SLC9A3: variants seen among roughly 807,000 people sequenced by gnomAD.
The protein encoded by SLC9A3 is sodium/hydrogen exchanger 3.
In SLC9A3, 37 loss-of-function variants were observed where a neutral mutation model predicts 86.8. That is an observed-to-expected ratio of 0.43 (90% CI 0.33 to 0.56). The LOEUF (loss-of-function observed/expected upper bound fraction) is 0.56, where lower values mean the gene tolerates loss of function less well. Among genes scored for constraint, SLC9A3 ranks in the 20% least tolerant of loss-of-function variants. The pLI is 0.06. For synonymous variants in SLC9A3, 581 were observed against 528.3 expected (o/e 1.10, Z -1.37); for missense variants, 1,011 against 1,171.9 (o/e 0.86, Z 2.00).
chr5:498,454 G>A (rs982362123), intron 1 of SLC9A3, among the ~76,000 whole-genome samples: 3 of 152,214 alleles, frequency 2.0e-5, no homozygotes, highest in African/African-American at 7.2e-5. Context: ...CTGGACTGGA[G>A]TGCAGCGGCA....
intron 10 of SLC9A3, chr5:479,564 G>A: frequency 2.3e-6 from 1 of 432,442 alleles, no homozygotes; most frequent in Non-Finnish European, 4.3e-6. Flanking sequence ...CCATCCCTGG[G>A]GAAAGCAAGG....
intron 10 of SLC9A3, 82 bp downstream of exon 10, chr5:479,754 T>C (rs1739035464): frequency 3.5e-5 from 48 of 1,369,180 alleles, no homozygotes; most frequent in Non-Finnish European, 4.6e-5. Context: ...TGCAGGGGCC[T>C]CTCCTCACTG....
chr5:517,920 CCATT>C (rs1252001348), intron 1 of SLC9A3, among the ~76,000 whole-genome samples: 2 of 152,146 alleles, frequency 1.3e-5, no homozygotes, highest in African/African-American at 4.8e-5. Flanking sequence ...ATCCATCCAT[CCATT>C]CACTCCATTC....
At chr5:509,453 AGGAAGGAGGGAGGGAG>A (rs1026846276) in intron 1 of SLC9A3, among the ~76,000 whole-genome samples, 15 of 128,968 alleles carry the variant, frequency 1.2e-4, no homozygotes, top group Middle Eastern at 4.0e-3. Flanking sequence ...GATGGAAGGA[AGGAAGGAGGGAGGGAG>A]GGAAGGAGGG....
At position 476,355 on chromosome 5, in the gene SLC9A3, G is replaced by A. The variant is rs764331870; in HGVS notation, c.1914C>T (p.His638=). 12 of 1,613,842 alleles carry A rather than the reference G, an allele frequency of 7.4e-6. No individual in the cohort carries two copies. The highest frequency in any genetic ancestry group is 2.2e-5 in the South Asian group (2 of 91,086). Reference sequence around the variant, plus strand: ...TCTCGTCCTCCGTGGGCGTGAGCTCGTGTCGGCTGTACAGATGCTTGTACT... The same window carrying A: ...TCTCGTCCTCCGTGGGCGTGAGCTCATGTCGGCTGTACAGATGCTTGTACT... ...RQEYKHLYSR[H]ELTPTEDEKQ... The change falls in exon 13 of 17, where the codon CAC becomes CAT. Residue 638 remains histidine (H), a synonymous_variant. Coordinates refer to ENST00000264938, the MANE Select transcript of SLC9A3 (RefSeq NM_004174.4).
intron 9 of SLC9A3, chr5:480,895 CTTTT>C (rs890189261): frequency 1.3e-5 from 2 of 152,162 alleles, no homozygotes; most frequent in African/African-American, 4.8e-5. Context: ...TGGACAAACT[CTTTT>C]TTTTATTTTG....
intron 1 of SLC9A3, among the ~76,000 whole-genome samples, chr5:517,820 TCCA>T: frequency 1.2e-5 from 1 of 82,152 alleles, no homozygotes; most frequent in African/African-American, 5.3e-5. Flanking sequence ...AAACCATCCA[TCCA>T]TCCATCCATC....
intron 1 of SLC9A3, among the ~76,000 whole-genome samples, chr5:508,761 C>CTT (rs1740737555): frequency 1.3e-5 from 2 of 152,198 alleles, no homozygotes; most frequent in Non-Finnish European, 2.9e-5. Flanking sequence ...TCCCGGGAGT[C>CTT]ACACATGAGA....
At chr5:517,247 A>G (rs1733756979) in intron 1 of SLC9A3, among the ~76,000 whole-genome samples, 1 of 76,302 alleles carries the variant, frequency 1.3e-5, no homozygotes, top group South Asian at 3.9e-4. Flanking sequence ...CCATCTGTCC[A>G]TTCACTCACT....
chr5:491,028 C>A lies in SLC9A3; in HGVS notation c.514+741G>T, dbSNP rs75657510. 6.6e-6 allele frequency among the ~76,000 whole-genome samples: 1 copy of A among 152,160 alleles called. No individual in the cohort carries two copies. The highest frequency in any genetic ancestry group is 6.5e-5 in the Admixed American group (1 of 15,276). ...GGGCCGTGCTCTCTCTTGAACCAGACGGAAAATCGCCAATTCTTGTGAGTC... is the reference window on the plus strand; with the variant it reads ...GGGCCGTGCTCTCTCTTGAACCAGAAGGAAAATCGCCAATTCTTGTGAGTC... On this transcript the variant is annotated intron_variant, in intron 2 of 16. Transcript: ENST00000264938. This position sits in a 1 kb window ranked among gnomAD's most constrained non-coding sequence, Gnocchi z 9.2.
intron 1 of SLC9A3, among the ~76,000 whole-genome samples, chr5:514,022 G>A (rs1733652852): frequency 6.6e-6 from 1 of 152,244 alleles, no homozygotes; most frequent in South Asian, 2.1e-4. Context: ...GCTGGGTGTG[G>A]GCGGTGGGCA....
intron 5 of SLC9A3, among the ~76,000 whole-genome samples, chr5:484,065 G>C (rs1307127818): frequency 6.6e-6 from 1 of 152,114 alleles, no homozygotes. Flanking sequence ...CTCCCTCCGA[G>C]TTGGGGTCCC....
chr5:519,828 G>T (rs1733833326), intron 1 of SLC9A3, among the ~76,000 whole-genome samples: 1 of 151,976 alleles, frequency 6.6e-6, no homozygotes. Context: ...GCCGCTCAGA[G>T]GGGGGTGGGG....
intron 1 of SLC9A3, among the ~76,000 whole-genome samples, chr5:503,597 G>A (rs762015756): frequency 3.0e-4 from 45 of 152,192 alleles, no homozygotes; most frequent in Non-Finnish European, 5.9e-4. Context: ...CTTGAAGAGC[G>A]AATGGTAAAA....
Position 524,316 on chromosome 5 carries a change from C to T in SLC9A3, c.7G>A (p.Gly3Arg). The part of the protein sequence containing the change: MW[G>R]LGARGPDRGL... ...CGGTCGGGGCCCCGGGCCCCGAGTCCCCACATTGCCGCCTGCTCAGCGCAG... is the reference window on the plus strand; with the variant it reads ...CGGTCGGGGCCCCGGGCCCCGAGTCTCCACATTGCCGCCTGCTCAGCGCAG... The change falls in exon 1 of 17, where the codon GGA (glycine) becomes AGA (arginine). Residue 3 changes from glycine to arginine, a missense_variant. By Grantham distance (125) the Gly-to-Arg change is moderately radical. Coordinates refer to ENST00000264938, the MANE Select transcript of SLC9A3 (RefSeq NM_004174.4). The T allele has an allele frequency of 7.9e-7, 1 of 1,264,488 alleles. No homozygotes were observed. The highest frequency in any genetic ancestry group is 1.0e-6 in the Non-Finnish European group (1 of 998,566). 78.3% of individuals were successfully genotyped at this position (1,264,488 alleles called of 1,614,324 possible). A position where few individuals can be genotyped will look rare whatever the true frequency, so the allele number is the denominator to read the frequency against.
At chr5:512,781 C>T (rs1477211356) in intron 1 of SLC9A3, among the ~76,000 whole-genome samples, 2 of 152,136 alleles carry the variant, frequency 1.3e-5, no homozygotes, top group African/African-American at 4.8e-5. Flanking sequence ...GCATTCCAGG[C>T]AGAGAACGTG....
intron 3 of SLC9A3, among the ~76,000 whole-genome samples, chr5:487,963 C>T (rs997938911): frequency 2.6e-5 from 4 of 152,220 alleles, no homozygotes; most frequent in Non-Finnish European, 5.9e-5. Context: ...CCACCGCACC[C>T]GGCCACTCAT....
chr5:492,557 C>T (rs1010994811), intron 1 of SLC9A3, among the ~76,000 whole-genome samples: 11 of 151,914 alleles, frequency 7.2e-5, no homozygotes, highest in African/African-American at 2.4e-4. Context: ...GGGCTGGGAA[C>T]GAGGAGAGTG....
At chr5:514,699 A>G (rs1375144897) in intron 1 of SLC9A3, among the ~76,000 whole-genome samples, 1 of 152,198 alleles carries the variant, frequency 6.6e-6, no homozygotes, top group Non-Finnish European at 1.5e-5. Context: ...GTTCTTCCAC[A>G]CTTTGTGTCA....
Sources: gnomAD v4.1 joint callset for allele counts (sites outside exome capture counted in the v4.1 genomes callset) on GRCh38, gnomAD v4.1.1 for gene constraint, Gnocchi (gnomAD v3.1) non-coding constraint, MANE v1.5 for transcripts, NCBI Gene and HGNC (gene_info 2026-07-23, HGNC 2026-07-21) for gene names.